MAP2K6: variants seen among roughly 807,000 people sequenced by gnomAD.
The protein encoded by MAP2K6 is dual specificity mitogen-activated protein kinase kinase 6.
A neutral mutation model predicts 53.7 loss-of-function variants in MAP2K6; 16 were observed. That is an observed-to-expected ratio of 0.30 (90% confidence interval 0.20 to 0.45). MAP2K6 has a LOEUF of 0.45. Ranked by LOEUF, MAP2K6 falls within the 20% of genes least tolerant of loss-of-function variation. MAP2K6 has a pLI of 1.00. For missense variants in MAP2K6, 204 were observed against 411.9 expected (o/e 0.50, Z 4.37); for synonymous variants, 132 against 143.1 (o/e 0.92, Z 0.55).
chr17:69,538,326 A>C (rs1911453146), intron 11 of MAP2K6, among the ~76,000 whole-genome samples: 1 of 152,260 alleles, frequency 6.6e-6, no homozygotes, highest in African/African-American at 2.4e-5. Context: ...CTGATGTCAA[A>C]TTCTACATTT....
intron 10 of MAP2K6, among the ~76,000 whole-genome samples, chr17:69,532,659 A>G (rs188211673): frequency 6.6e-6 from 1 of 152,272 alleles, no homozygotes; most frequent in African/African-American, 2.4e-5. Flanking sequence ...CATGTTTTGA[A>G]GTGTTCTTGA....
At chr17:69,539,862 G>GT (rs1255521552) in intron 11 of MAP2K6, among the ~76,000 whole-genome samples, 1 of 152,146 alleles carries the variant, frequency 6.6e-6, no homozygotes, top group East Asian at 1.9e-4. Flanking sequence ...AGAGTCCTTG[G>GT]TAAGTGTGCT....
rs2144895936 is a variant in MAP2K6, at chr17:69,551,713, A to G, written c.*9960A>G. ...CTGAGTGGACTGATTTTCTATATGA[A>G]CTGAAATGATGTTTTAATAGAATAA... On this transcript the variant is annotated 3_prime_UTR_variant, in exon 12 of 12. Transcript: ENST00000590474. 1 of 152,318 alleles carries G rather than the reference A, an allele frequency of 6.6e-6. No homozygotes were observed. Among genetic ancestry groups the G allele is most frequent in the Middle Eastern group, 3.4e-3 (1 of 294 alleles). The allele number at this position is 152,318 out of a possible 1,614,324, so 9.4% of individuals were successfully genotyped here.
chr17:69,444,452 A>G (rs931920717), intron 1 of MAP2K6, among the ~76,000 whole-genome samples: 3 of 152,206 alleles, frequency 2.0e-5, no homozygotes, highest in Admixed American at 6.5e-5. Flanking sequence ...CCACAGGGCC[A>G]GAGAACTAGA....
At chr17:69,440,741 G>GT (rs779594281) in intron 1 of MAP2K6, among the ~76,000 whole-genome samples, 1,506 of 132,890 alleles carry the variant, frequency 0.011, 9 homozygotes, top group Non-Finnish European at 0.012. Flanking sequence ...GTTTTGTTTT[G>GT]TTTTTTTTTT....
At chr17:69,486,772 GA>G (rs1270950079) in intron 1 of MAP2K6, among the ~76,000 whole-genome samples, 1 of 147,618 alleles carries the variant, frequency 6.8e-6, no homozygotes, top group Non-Finnish European at 1.5e-5. Context: ...CCTGCTTAGG[GA>G]AGGGGCATTC....
intron 7 of MAP2K6, 83 bp from the exon 8 acceptor site, chr17:69,523,431 G>C: frequency 6.4e-7 from 1 of 1,564,882 alleles, no homozygotes; most frequent in Non-Finnish European, 8.8e-7. Context: ...AGGACAAATG[G>C]AGATTTTAGG....
At position 69,552,024 on chromosome 17, in the gene MAP2K6, C is replaced by A. The variant is rs773563307; in HGVS notation, c.*10271C>A. The A allele has an allele frequency of 6.6e-6, 1 of 152,220 alleles. No homozygotes were observed. The highest frequency in any genetic ancestry group is 1.5e-5 in the Non-Finnish European group (1 of 68,040). 9.4% of individuals were successfully genotyped at this position (152,220 alleles called of 1,614,324 possible). On this transcript the variant is annotated 3_prime_UTR_variant, in exon 12 of 12. Coordinates refer to ENST00000590474, the MANE Select transcript of MAP2K6 (RefSeq NM_002758.4). ...TTCAGTTTCATAGCTGAAAATGCTG[C>A]TTCCGTTTATTAATATGGACTTTGT...
intron 1 of MAP2K6, among the ~76,000 whole-genome samples, chr17:69,469,403 A>C (rs1026278496): frequency 6.6e-6 from 1 of 152,228 alleles, no homozygotes; most frequent in Non-Finnish European, 1.5e-5. Flanking sequence ...GAAGTAGGAC[A>C]TGGACAGCTT....
At chr17:69,533,764 G>C (rs1911213619) in intron 10 of MAP2K6, among the ~76,000 whole-genome samples, 1 of 142,992 alleles carries the variant, frequency 7.0e-6, no homozygotes, top group Non-Finnish European at 1.5e-5. Context: ...ACCAGGGTCT[G>C]TGTGCAAGTC....
chr17:69,430,616 G>T (rs527416962), intron 1 of MAP2K6, among the ~76,000 whole-genome samples: 118 of 152,302 alleles, frequency 7.7e-4, no homozygotes, highest in African/African-American at 2.8e-3. Flanking sequence ...AAACTAGTTT[G>T]GGGCTTGTTT....
At chr17:69,476,011 G>C (rs1385096504) in intron 1 of MAP2K6, among the ~76,000 whole-genome samples, 9 of 152,188 alleles carry the variant, frequency 5.9e-5, no homozygotes, top group Non-Finnish European at 1.3e-4. Context: ...GTATAATAAG[G>C]TTGAGCAAAT....
intron 11 of MAP2K6, among the ~76,000 whole-genome samples, chr17:69,541,204 A>T (rs2144874052): frequency 6.6e-6 from 1 of 152,314 alleles, no homozygotes; most frequent in Non-Finnish European, 1.5e-5. Context: ...CAGAGTTTGC[A>T]GTGAGCCAAG....
chr17:69,521,806 CAAAAAAAA>C (rs71293537), intron 7 of MAP2K6: 2 of 79,340 alleles, frequency 2.5e-5, no homozygotes, highest in East Asian at 3.1e-4. Flanking sequence ...GATAAATGTA[CAAAAAAAA>C]AAAAAAAAAA....
At chr17:69,423,309 C>T (rs1272596415) in intron 1 of MAP2K6, among the ~76,000 whole-genome samples, 3 of 152,132 alleles carry the variant, frequency 2.0e-5, no homozygotes, top group East Asian at 3.9e-4. Context: ...AATTCAGCAT[C>T]GACAAACAAA....
intron 8 of MAP2K6, 102 bp from the exon 9 acceptor site, chr17:69,524,799 C>CTCA: frequency 1.1e-5 from 9 of 794,202 alleles, no homozygotes; most frequent in Non-Finnish European, 1.9e-5. Flanking sequence ...CTTATAACAA[C>CTCA]TCACTTGGCA....
rs1912062041 is a variant in MAP2K6, at chr17:69,550,702, G to A, written c.*8949G>A. On this transcript the variant is annotated 3_prime_UTR_variant, in exon 12 of 12. Coordinates refer to ENST00000590474, the MANE Select transcript of MAP2K6 (RefSeq NM_002758.4). ...CCTGAGGGTCTCTTGTGAACAGAAG[G>A]GAAAAAGAGTGTGATGAAGGTGAAC... 1 of 152,140 alleles carries A rather than the reference G, an allele frequency of 6.6e-6. No individual in the cohort carries two copies. The highest frequency in any genetic ancestry group is 2.4e-5 in the African/African-American group (1 of 41,418). The allele number at this position is 152,140 out of a possible 1,614,324, so 9.4% of individuals were successfully genotyped here.
Position 69,466,059 on chromosome 17 carries a change from G to A in MAP2K6, c.17-39721G>A, listed in dbSNP as rs1484102590. On this transcript the variant is annotated intron_variant, in intron 1 of 11. Transcript: ENST00000590474. ...AGGCCAAGGTGGGTGGATCACCTGAGGCCAATAGTTCAAGACCAGCCTAGC... is the reference window on the plus strand; with the variant it reads ...AGGCCAAGGTGGGTGGATCACCTGAAGCCAATAGTTCAAGACCAGCCTAGC... 3.3e-5 allele frequency among the ~76,000 whole-genome samples: 5 copies of A among 150,292 alleles called. No homozygotes were observed. In the East Asian group the frequency reaches 9.9e-4, roughly 30 times the overall value.
At chr17:69,513,616 G>T (rs1909985145) in intron 2 of MAP2K6, among the ~76,000 whole-genome samples, 1 of 151,826 alleles carries the variant, frequency 6.6e-6, no homozygotes, top group African/African-American at 2.4e-5. Flanking sequence ...CACAGAGGAT[G>T]CCGTTGTTTA....
Sources: gnomAD v4.1 joint callset for allele counts (sites outside exome capture counted in the v4.1 genomes callset) on GRCh38, gnomAD v4.1.1 for gene constraint, MANE v1.5 for transcripts, NCBI Gene and HGNC (gene_info 2026-07-23, HGNC 2026-07-21) for gene names.